Variants in TMEM17 observed in about 807,000 individuals in gnomAD.
The protein encoded by TMEM17 is transmembrane protein 17.
Under a neutral mutation model 19.1 loss-of-function variants are expected in TMEM17, and 15 were observed. The ratio of observed to expected loss-of-function variants is 0.78; its 90% CI spans 0.52 to 1.21. TMEM17 has a LOEUF of 1.21. Among genes scored for constraint, TMEM17 ranks in the 50% most tolerant of loss-of-function variants. TMEM17 has a pLI of 0.00. For missense variants in TMEM17, 245 were observed against 242.3 expected (o/e 1.01, Z -0.07); for synonymous variants, 103 against 86.9 (o/e 1.19, Z -1.03).
chr2:62,466,075 G>A, the TMEM17 span, among the ~76,000 whole-genome samples: 1 of 152,110 alleles, frequency 6.6e-6, no homozygotes, highest in Non-Finnish European at 1.5e-5. Context: ...AATCAGGAGG[G>A]GTCCCCACTA....
chr2:62,483,476 A>G, the TMEM17 span, among the ~76,000 whole-genome samples: 2 of 152,206 alleles, frequency 1.3e-5, no homozygotes, highest in African/African-American at 4.8e-5. Flanking sequence ...CATTCTCCGT[A>G]TGGAGGCCTT....
the TMEM17 span, among the ~76,000 whole-genome samples, chr2:62,468,274 C>A: frequency 6.6e-5 from 10 of 152,090 alleles, no homozygotes; most frequent in African/African-American, 2.4e-4. Flanking sequence ...GAGAGAAGGC[C>A]GTGTGTTCTC....
downstream of TMEM17, among the ~76,000 whole-genome samples, chr2:62,499,374 A>AATCAC (rs1679860431): frequency 6.6e-6 from 1 of 152,106 alleles, no homozygotes; most frequent in South Asian, 2.1e-4. Context: ...TTTCTTATAG[A>AATCAC]ATCACCTACC....
chr2:62,458,661 T>C, the TMEM17 span, among the ~76,000 whole-genome samples: 1 of 152,194 alleles, frequency 6.6e-6, no homozygotes, highest in East Asian at 1.9e-4. Context: ...TGGATTTTGA[T>C]GGTAAGGCCA....
the TMEM17 span, among the ~76,000 whole-genome samples, chr2:62,470,092 C>G: frequency 6.6e-6 from 1 of 152,158 alleles, no homozygotes; most frequent in Non-Finnish European, 1.5e-5. Flanking sequence ...TCTTGGAGCT[C>G]TAAGAAGACA....
the TMEM17 span, among the ~76,000 whole-genome samples, chr2:62,466,493 T>A: frequency 6.6e-6 from 1 of 151,960 alleles, no homozygotes; most frequent in Non-Finnish European, 1.5e-5. Flanking sequence ...TTCAGAGAGG[T>A]GGGAGGCCTA....
chr2:62,468,117 T>C, the TMEM17 span, among the ~76,000 whole-genome samples: 1 of 152,016 alleles, frequency 6.6e-6, no homozygotes, highest in Non-Finnish European at 1.5e-5. Flanking sequence ...GTGATTCCCT[T>C]TCCCTCCTCT....
chr2:62,489,159 C>G, the TMEM17 span, among the ~76,000 whole-genome samples: 3 of 152,158 alleles, frequency 2.0e-5, no homozygotes, highest in African/African-American at 7.2e-5. Context: ...TGAGTGATGA[C>G]TTTGACTCTT....
At chr2:62,490,711 TTTTTAA>T in the TMEM17 span, among the ~76,000 whole-genome samples, 29 of 152,338 alleles carry the variant, frequency 1.9e-4, no homozygotes, top group East Asian at 4.6e-3. Context: ...GTTTTCTTAC[TTTTTAA>T]TTTTAATAAA....
chr2:62,494,970 G>A, the TMEM17 span, among the ~76,000 whole-genome samples: 1 of 152,148 alleles, frequency 6.6e-6, no homozygotes, highest in Non-Finnish European at 1.5e-5. Flanking sequence ...AGCCAAGATC[G>A]TGCCACTGCA....
At chr2:62,475,814 C>A in the TMEM17 span, among the ~76,000 whole-genome samples, 1 of 152,162 alleles carries the variant, frequency 6.6e-6, no homozygotes, top group East Asian at 1.9e-4. Flanking sequence ...AAATCAGGAA[C>A]AAAACATGAC....
At chr2:62,457,133 CG>C in the TMEM17 span, among the ~76,000 whole-genome samples, 2 of 152,228 alleles carry the variant, frequency 1.3e-5, no homozygotes, top group South Asian at 4.1e-4. This position sits in a 1 kb window ranked among gnomAD's most constrained non-coding sequence, Gnocchi z 4.2. Flanking sequence ...CAGCATCCCC[CG>C]CGGAAAGGGT....
At chr2:62,499,640 G>C (rs1271463154), downstream of TMEM17, among the ~76,000 whole-genome samples, 2 of 152,130 alleles carry the variant, frequency 1.3e-5, no homozygotes, top group African/African-American at 4.8e-5. Context: ...ATTTTTTGAA[G>C]TTCAGCCAAA....
At chr2:62,496,841 T>A (rs1450499740), downstream of TMEM17, among the ~76,000 whole-genome samples, 1 of 152,252 alleles carries the variant, frequency 6.6e-6, no homozygotes, top group African/African-American at 2.4e-5. Flanking sequence ...CTCACGCCTG[T>A]AATCCCAGTA....
intron 2 of TMEM17, 69 bp downstream of exon 2, chr2:62,502,622 T>C (rs1679959432): frequency 1.7e-5 from 25 of 1,465,042 alleles, no homozygotes; most frequent in Middle Eastern, 3.5e-4. Context: ...GAAAAAATTA[T>C]TAAGAACTTG....
At chr2:62,493,826 A>G in the TMEM17 span, among the ~76,000 whole-genome samples, 1 of 152,238 alleles carries the variant, frequency 6.6e-6, no homozygotes, top group Non-Finnish European at 1.5e-5. Flanking sequence ...ATAATCTATT[A>G]TTTAAAAGAC....
chr2:62,479,889 CAAAAAAAAAAAA>C, the TMEM17 span, among the ~76,000 whole-genome samples: 2 of 68,900 alleles, frequency 2.9e-5, no homozygotes, highest in African/African-American at 9.7e-5. Flanking sequence ...AGACCTGTCT[CAAAAAAAAAAAA>C]AAAAAAAAAA....
the TMEM17 span, among the ~76,000 whole-genome samples, chr2:62,458,005 T>C: frequency 6.6e-6 from 1 of 152,206 alleles, no homozygotes; most frequent in Non-Finnish European, 1.5e-5. Flanking sequence ...ACTTTGCTAC[T>C]AGCTGGGTGG....
At chr2:62,501,621 G>C in intron 3 of TMEM17, 134 bp from the exon 4 acceptor site, 2 of 845,480 alleles carry the variant, frequency 2.4e-6, no homozygotes, top group Non-Finnish European at 3.6e-6. Flanking sequence ...GGATGACATG[G>C]TCCTTGTCCT....
Sources: allele counts gnomAD v4.1 joint callset (sites outside exome capture counted in the v4.1 genomes callset), GRCh38; gene constraint gnomAD v4.1.1; non-coding constraint Gnocchi (gnomAD v3.1); transcripts MANE v1.5; gene names NCBI Gene and HGNC (gene_info 2026-07-23, HGNC 2026-07-21).